The following PDIA4 variants were observed in gnomAD, a reference collection of about 807,000 sequenced individuals.
PDIA4 encodes the protein protein disulfide isomerase family A member 4, also known as protein disulfide-isomerase A4.
Under a neutral mutation model 62.1 loss-of-function variants are expected in PDIA4, and 33 were observed. That is an observed-to-expected ratio of 0.53 (90% CI 0.40 to 0.71). The LOEUF is 0.71. PDIA4 is among the 30% of genes least tolerant of loss of function. The pLI is 0.00. For missense variants in PDIA4, 804 were observed against 813.6 expected (o/e 0.99, Z 0.14); for synonymous variants, 341 against 324.1 (o/e 1.05, Z -0.56).
chr7:149,020,295 G>C (rs944113561), intron 2 of PDIA4, among the ~76,000 whole-genome samples: 3 of 152,134 alleles, frequency 2.0e-5, no homozygotes, highest in African/African-American at 4.8e-5. Context: ...CTTGTGCTAC[G>C]CTTGACCCTC....
chr7:149,021,230 C>T, intron 1 of PDIA4, 83 bp from the exon 2 acceptor site: 1 of 1,399,770 alleles, frequency 7.1e-7, no homozygotes, highest in African/African-American at 1.4e-5. Flanking sequence ...GTGGCTCACA[C>T]TTGTAATCCC....
chr7:149,027,367 C>T (rs1260873005), intron 1 of PDIA4, among the ~76,000 whole-genome samples: 1 of 151,978 alleles, frequency 6.6e-6, no homozygotes, highest in Non-Finnish European at 1.5e-5. Context: ...GAATCAGTGA[C>T]CCACGCAGAA....
intron 8 of PDIA4, 85 bp from the exon 9 acceptor site, chr7:149,005,459 C>A: frequency 2.4e-6 from 2 of 826,642 alleles, no homozygotes; most frequent in South Asian, 2.9e-5. Context: ...CAGGTCCTGT[C>A]GCTAATATTC....
intron 3 of PDIA4, among the ~76,000 whole-genome samples, chr7:149,016,226 G>T (rs1824133976): frequency 6.6e-6 from 1 of 152,162 alleles, no homozygotes; most frequent in Non-Finnish European, 1.5e-5. Context: ...AACCCCGGAG[G>T]TGGAGGCTGT....
At chr7:149,014,071 C>G (rs1418163712) in intron 4 of PDIA4, among the ~76,000 whole-genome samples, 1 of 152,230 alleles carries the variant, frequency 6.6e-6, no homozygotes, top group African/African-American at 2.4e-5. Context: ...AACCACCCAC[C>G]TGACTTCACT....
Position 149,003,710 on chromosome 7 carries a change from T to G in PDIA4, c.*84A>C. ...AAAAAGGAATCCGAGATACTGTCGT[T>G]TGTTGCCGGCCTCGGCGTGGACGCC... On this transcript the variant is annotated 3_prime_UTR_variant, in exon 10 of 10. Transcript: ENST00000652332. 1.4e-5 allele frequency: 15 copies of G among 1,050,472 alleles called. No individual in the cohort carries two copies. The highest frequency in any genetic ancestry group is 2.0e-5 in the Non-Finnish European group (15 of 754,582). The allele number at this position is 1,050,472 out of a possible 1,614,324, so 65.1% of individuals were successfully genotyped here.
chr7:149,027,375 G>T (rs747441256), intron 1 of PDIA4, among the ~76,000 whole-genome samples: 1 of 152,142 alleles, frequency 6.6e-6, no homozygotes, highest in Non-Finnish European at 1.5e-5. Flanking sequence ...GACCCACGCA[G>T]AAGTTACTCA....
chr7:149,017,160 G>A lies in PDIA4; in HGVS notation c.475+1832C>T, dbSNP rs143213268. Among the ~76,000 whole-genome samples, 1,436 of 151,466 alleles carry A rather than the reference G, an allele frequency of 9.5e-3. 14 individuals are homozygous for A. Among genetic ancestry groups the A allele is most frequent in the Middle Eastern group, 0.083 (24 of 288 alleles). ...TATGAGGACCGGAAGCCTATTCAACGCTCTTTCCTCTACTCCACACTGGGA... is the reference window on the plus strand; with the variant it reads ...TATGAGGACCGGAAGCCTATTCAACACTCTTTCCTCTACTCCACACTGGGA... On this transcript the variant is annotated intron_variant, in intron 3 of 9. Coordinates refer to ENST00000652332, the MANE Select transcript of PDIA4 (RefSeq NM_004911.5).
chr7:149,007,796 A>G (rs957153919), intron 7 of PDIA4, among the ~76,000 whole-genome samples: 2 of 152,274 alleles, frequency 1.3e-5, no homozygotes, highest in African/African-American at 4.8e-5. Context: ...CTTGGCCTCA[A>G]CGGAGCACCA....
At position 149,028,465 on chromosome 7, in the gene PDIA4, A is replaced by T; in HGVS notation, c.-57T>A. 1 of 1,234,320 alleles carries T rather than the reference A, an allele frequency of 8.1e-7. No homozygotes were observed. 76.5% of individuals were successfully genotyped at this position (1,234,320 alleles called of 1,614,324 possible). A position where few individuals can be genotyped will look rare whatever the true frequency, so the allele number is the denominator to read the frequency against. ...TCGGCGGCCGCTGAGCGCACCGAGA[A>T]CTCGGGGTCTGGCCGACAGCCCGTC... On this transcript the variant is annotated 5_prime_UTR_variant, in exon 1 of 10. Coordinates refer to ENST00000652332, the MANE Select transcript of PDIA4 (RefSeq NM_004911.5).
chr7:149,020,965 A>G lies in PDIA4; in HGVS notation c.269+2T>C. The G allele has an allele frequency of 6.2e-7, 1 of 1,613,968 alleles. No homozygotes were observed. Among genetic ancestry groups the G allele is most frequent in the Non-Finnish European group, 8.5e-7 (1 of 1,179,864 alleles). Reference sequence around the variant, plus strand: ...CTGCAGAAATTAGAACGCGGTCCTTACCATGGAGCATAAAACTCCAGCAGC... The same window carrying G: ...CTGCAGAAATTAGAACGCGGTCCTTGCCATGGAGCATAAAACTCCAGCAGC... On this transcript the variant is annotated splice_donor_variant, in intron 2 of 9. Coordinates refer to ENST00000652332, the MANE Select transcript of PDIA4 (RefSeq NM_004911.5). LOFTEE classifies it high-confidence loss of function.
chr7:149,017,576 C>T (rs1413263464), intron 3 of PDIA4, among the ~76,000 whole-genome samples: 1 of 151,236 alleles, frequency 6.6e-6, no homozygotes, highest in Non-Finnish European at 1.5e-5. Context: ...AGAAGCAAAA[C>T]TCCGTCTCAA....
chr7:149,006,874 C>T (rs529537742), intron 7 of PDIA4, among the ~76,000 whole-genome samples: 5 of 152,290 alleles, frequency 3.3e-5, no homozygotes, highest in Admixed American at 2.0e-4. Flanking sequence ...AGGGAAACGC[C>T]AGAAGAACTG....
chr7:149,006,481 C>A (rs1032964580), intron 7 of PDIA4, among the ~76,000 whole-genome samples: 1 of 152,228 alleles, frequency 6.6e-6, no homozygotes, highest in Admixed American at 6.5e-5. Context: ...TCACAGACAT[C>A]GCCCTCCAGG....
At chr7:149,027,910 G>A (rs141711097) in intron 1 of PDIA4, 5 of 485,628 alleles carry the variant, frequency 1.0e-5, no homozygotes, top group African/African-American at 5.9e-5. Flanking sequence ...TCACGCCCTC[G>A]CCCCTTCTCT....
chr7:149,024,339 AT>A (rs35693482), intron 1 of PDIA4, among the ~76,000 whole-genome samples: 144,804 of 152,252 alleles, frequency 0.95, 69,196 homozygotes, highest in Non-Finnish European at 1. Context: ...CTACCTTTCC[AT>A]TTCCTCCCCA....
intron 1 of PDIA4, among the ~76,000 whole-genome samples, chr7:149,025,104 ATATG>A (rs57741071): frequency 0.13 from 12,750 of 101,162 alleles, 977 homozygotes; most frequent in African/African-American, 0.16. Context: ...ATATATATAT[ATATG>A]TATGTCCAGA....
At chr7:149,011,699 T>TCCAACC (rs1823950110) in intron 6 of PDIA4, 147 bp downstream of exon 6, 1 of 628,658 alleles carries the variant, frequency 1.6e-6, no homozygotes, top group Non-Finnish European at 2.5e-6. Context: ...CAGCCCCAAC[T>TCCAACC]CCAACCCCAG....
rs535578947 is a variant in PDIA4, at chr7:149,005,869, C to T, written c.1288+28G>A. The T allele has an allele frequency of 3.4e-6, 5 of 1,472,092 alleles. No individual in the cohort carries two copies. In the African/African-American group the frequency reaches 4.4e-5, roughly 13 times the overall value. 91.2% of individuals were successfully genotyped at this position (1,472,092 alleles called of 1,614,324 possible). On this transcript the variant is annotated intron_variant, in intron 8 of 9. Transcript: ENST00000652332. ...AGAACGAGTCCCCCCACCCCCCACCCCCGCAGGTCTTGGTGGGGGTCCCTC... is the reference window on the plus strand; with the variant it reads ...AGAACGAGTCCCCCCACCCCCCACCTCCGCAGGTCTTGGTGGGGGTCCCTC...
Sources: allele counts gnomAD v4.1 joint callset (sites outside exome capture counted in the v4.1 genomes callset), GRCh38; gene constraint gnomAD v4.1.1; transcripts MANE v1.5; gene names NCBI Gene and HGNC (gene_info 2026-07-23, HGNC 2026-07-21).